INPP4B: variants seen among roughly 807,000 people sequenced by gnomAD.
The protein encoded by INPP4B is inositol polyphosphate 4-phosphatase type II.
Under a neutral mutation model 122.5 loss-of-function variants are expected in INPP4B, and 55 were observed. The observed-to-expected ratio is 0.45, with a 90% CI of 0.36 to 0.56. The LOEUF (loss-of-function observed/expected upper bound fraction) is 0.56, where lower values mean the gene tolerates loss of function less well. Among genes scored for constraint, INPP4B ranks in the 20% least tolerant of loss-of-function variants. The probability of loss-of-function intolerance (pLI) is 0.00; values close to 1 mark genes in which losing one functional copy is unlikely to be tolerated. For synonymous variants in INPP4B, 403 were observed against 388.7 expected (o/e 1.04, Z -0.43); for missense variants, 1,000 against 1,097.7 (o/e 0.91, Z 1.26).
intron 9 of INPP4B, among the ~76,000 whole-genome samples, chr4:142,281,131 T>C (rs1579577962): frequency 6.6e-6 from 1 of 151,796 alleles, no homozygotes; most frequent in African/African-American, 2.4e-5. Context: ...TATTTTTAGT[T>C]TTGAGTAAGA....
chr4:142,800,211 G>A (rs144238971), intron 1 of INPP4B, among the ~76,000 whole-genome samples: 6 of 152,088 alleles, frequency 3.9e-5, no homozygotes, highest in African/African-American at 9.7e-5. Context: ...TTGAATGTAC[G>A]TACAGCAACC....
chr4:142,041,338 C>A (rs1360689515), intron 25 of INPP4B, among the ~76,000 whole-genome samples: 1 of 152,022 alleles, frequency 6.6e-6, no homozygotes, highest in East Asian at 1.9e-4. Flanking sequence ...ATCCCTTTTG[C>A]CAGGTACGGT....
chr4:142,747,094 A>G (rs1024063044), intron 1 of INPP4B, among the ~76,000 whole-genome samples: 2 of 152,192 alleles, frequency 1.3e-5, no homozygotes, highest in Non-Finnish European at 2.9e-5. Context: ...CAACCTAGAG[A>G]ATAGGAGAAA....
intron 2 of INPP4B, among the ~76,000 whole-genome samples, chr4:142,641,455 T>G (rs890705491): frequency 7.1e-6 from 1 of 140,320 alleles, no homozygotes; most frequent in Non-Finnish European, 1.6e-5. Flanking sequence ...TTGTGTGATG[T>G]TTCCTTTCCT....
intron 22 of INPP4B, among the ~76,000 whole-genome samples, chr4:142,109,537 C>T (rs1788935979): frequency 6.6e-6 from 1 of 151,792 alleles, no homozygotes; most frequent in South Asian, 2.1e-4. Context: ...GTTACACTCT[C>T]CTCCCTTAGC....
At position 142,185,602 on chromosome 4, in the gene INPP4B, G is replaced by A. The variant is rs1456897211; in HGVS notation, c.1181+7485C>T. Among the ~76,000 whole-genome samples the A allele has an allele frequency of 2.6e-5, 4 of 151,352 alleles. No individual in the cohort carries two copies. The South Asian group carries it at 6.3e-4, about 24-fold the overall frequency. ...AGTTAAGAAAGAAGTCCTCTTGGCC[G>A]GGCGCGGTGGCTCATGCCGGTAATC... On this transcript the variant is annotated intron_variant, in intron 15 of 25. Coordinates refer to ENST00000262992, the MANE Select transcript of INPP4B (RefSeq NM_001101669.3).
chr4:142,502,648 T>C (rs1195718293), intron 2 of INPP4B, among the ~76,000 whole-genome samples: 1 of 151,844 alleles, frequency 6.6e-6, no homozygotes, highest in African/African-American at 2.4e-5. Flanking sequence ...GCCCGGCTAA[T>C]TTTTGTATTT....
intron 2 of INPP4B, among the ~76,000 whole-genome samples, chr4:142,505,333 G>T (rs1487150178): frequency 6.6e-6 from 1 of 151,844 alleles, no homozygotes; most frequent in Non-Finnish European, 1.5e-5. Context: ...AATAAAAATG[G>T]TGATGACTGT....
intron 2 of INPP4B, among the ~76,000 whole-genome samples, chr4:142,676,581 C>T (rs1757816473): frequency 6.6e-6 from 1 of 152,160 alleles, no homozygotes; most frequent in African/African-American, 2.4e-5. Flanking sequence ...CACTACCTGA[C>T]TTCAAACTAT....
intron 1 of INPP4B, among the ~76,000 whole-genome samples, chr4:142,807,555 G>A (rs1202144143): frequency 6.6e-6 from 1 of 152,122 alleles, no homozygotes; most frequent in Non-Finnish European, 1.5e-5. Context: ...TCAGCAGGGA[G>A]AACATATGGC....
chr4:142,681,974 T>C (rs984101827), intron 2 of INPP4B, among the ~76,000 whole-genome samples: 2 of 151,894 alleles, frequency 1.3e-5, no homozygotes, highest in East Asian at 1.9e-4. Context: ...GTGCAATTCT[T>C]TTCCTCTTCA....
At chr4:142,725,384 T>C (rs1273358939) in intron 2 of INPP4B, among the ~76,000 whole-genome samples, 1 of 152,104 alleles carries the variant, frequency 6.6e-6, no homozygotes, top group East Asian at 1.9e-4. Context: ...TTCTAGAAAT[T>C]CATATTGAAA....
intron 22 of INPP4B, among the ~76,000 whole-genome samples, chr4:142,111,723 T>A (rs1790199360): frequency 6.6e-6 from 1 of 151,214 alleles, no homozygotes; most frequent in Non-Finnish European, 1.5e-5. Flanking sequence ...TAAAAATAAG[T>A]CTTTCAAAAA....
At chr4:142,452,878 A>G (rs929058145) in intron 3 of INPP4B, among the ~76,000 whole-genome samples, 1 of 152,120 alleles carries the variant, frequency 6.6e-6, no homozygotes, top group Non-Finnish European at 1.5e-5. Context: ...AATATACTTG[A>G]AAATATAAAA....
Position 142,829,721 on chromosome 4 carries a change from T to G in INPP4B, c.-254+16488A>C, listed in dbSNP as rs569719497. On this transcript the variant is annotated intron_variant, in intron 1 of 25. Transcript: ENST00000262992. ...GTCAAGTTGAAATTGTATAACATTA[T>G]CATTCAACAGCAAGCTCCATACAAA... is the stretch of plus-strand genomic sequence containing the variant. Among the ~76,000 whole-genome samples, 61 of 152,298 alleles carry G rather than the reference T, an allele frequency of 4.0e-4. 1 individual carries two copies. The South Asian group carries it at 9.9e-3, about 25-fold the overall frequency.
intron 2 of INPP4B, among the ~76,000 whole-genome samples, chr4:142,473,728 C>T (rs1819321022): frequency 6.6e-6 from 1 of 152,222 alleles, no homozygotes; most frequent in Non-Finnish European, 1.5e-5. Flanking sequence ...GCCACCACCT[C>T]CTGTTGTCCT....
chr4:142,369,142 C>G (rs1271176875), intron 7 of INPP4B, among the ~76,000 whole-genome samples: 1 of 152,112 alleles, frequency 6.6e-6, no homozygotes, highest in African/African-American at 2.4e-5. Context: ...TGTGGGCACA[C>G]CTAGATCTGC....
intron 23 of INPP4B, among the ~76,000 whole-genome samples, chr4:142,103,265 T>C (rs1330998519): frequency 6.6e-6 from 1 of 152,078 alleles, no homozygotes; most frequent in African/African-American, 2.4e-5. Context: ...AATTTCTACT[T>C]TTTATGGGAT....
rs148371542 is a variant in INPP4B at position 142,192,354 on chromosome 4, A to AAAAAAAAAAAAAAAAAAG, written c.1181+732_1181+733insCTTTTTTTTTTTTTTTTT. On this transcript the variant is annotated intron_variant, in intron 15 of 25. Transcript: ENST00000262992. Reference sequence around the variant, plus strand: ...AAAGTAAAAAAAAAAAAAAAAAAAAATGGGATTCTTAAGAAGAATAACTAT... The same window carrying AAAAAAAAAAAAAAAAAAG: ...AAAGTAAAAAAAAAAAAAAAAAAAAAAAAAAAAAAAAAAAAAAGTGGGATTCTTAAGAAGAATAACTAT... 3.0e-3 allele frequency among the ~76,000 whole-genome samples: 221 copies of AAAAAAAAAAAAAAAAAAG among 73,150 alleles called. 25 individuals are homozygous for AAAAAAAAAAAAAAAAAAG. Among genetic ancestry groups the AAAAAAAAAAAAAAAAAAG allele is most frequent in the Non-Finnish European group, 4.6e-3 (164 of 35,794 alleles). 48.0% of individuals were successfully genotyped at this position (73,150 alleles called of 152,430 possible). A position where few individuals can be genotyped will look rare whatever the true frequency, so the allele number is the denominator to read the frequency against.
Sources: gnomAD v4.1 joint callset for allele counts (sites outside exome capture counted in the v4.1 genomes callset) on GRCh38, gnomAD v4.1.1 for gene constraint, MANE v1.5 for transcripts, NCBI Gene and HGNC (gene_info 2026-07-23, HGNC 2026-07-21) for gene names.